POU2F3: variants seen among roughly 807,000 people sequenced by gnomAD.
The protein encoded by POU2F3 is POU class 2 homeobox 3, also known as POU domain, class 2, transcription factor 3.
In POU2F3, 23 loss-of-function variants were observed where a neutral mutation model predicts 59.2. The observed-to-expected ratio is 0.39, with a 90% CI of 0.28 to 0.55. The LOEUF is 0.55. Among genes scored for constraint, POU2F3 ranks in the 20% least tolerant of loss-of-function variants. POU2F3 has a pLI of 0.66. For synonymous variants in POU2F3, 190 were observed against 214.6 expected, an observed-to-expected ratio of 0.89 and a Z score of 1.00; for missense variants, 473 against 544.5, an observed-to-expected ratio of 0.87 and a Z score of 1.31.
intron 2 of POU2F3, among the ~76,000 whole-genome samples, chr11:120,252,168 T>C (rs1939132573): frequency 6.6e-6 from 1 of 151,608 alleles, no homozygotes; most frequent in South Asian, 2.1e-4. Context: ...AAGACCCTCA[T>C]GCTGCTGCAT....
chr11:120,274,150 A>AGGAG (rs1299727943), intron 3 of POU2F3, among the ~76,000 whole-genome samples: 3 of 148,178 alleles, frequency 2.0e-5, no homozygotes, highest in East Asian at 3.9e-4. Flanking sequence ...GAAGGAAGGA[A>AGGAG]GGAAGGAAAT....
chr11:120,306,568 A>G (rs1941495674), intron 8 of POU2F3, among the ~76,000 whole-genome samples: 1 of 152,156 alleles, frequency 6.6e-6, no homozygotes, highest in South Asian at 2.1e-4. Context: ...GAATCTCTCC[A>G]GACATTGCCA....
In POU2F3 at chr11:120,318,363, C is replaced by T. The variant is rs760822922; in HGVS notation, c.1282C>T (p.Arg428Ter). 16 of 1,605,368 alleles carry T rather than the reference C, an allele frequency of 1.0e-5. No homozygotes were observed. The highest frequency in any genetic ancestry group is 8.8e-5 in the South Asian group (8 of 90,902). Reference sequence around the variant, plus strand: ...CTTTCTTCCTTCCAGATCTTGGTACCGATGGAATCATTCCACCTACCTCCA... The same window carrying T: ...CTTTCTTCCTTCCAGATCTTGGTACTGATGGAATCATTCCACCTACCTCCA... The part of the protein sequence containing the change: ...SSFNSSGSWY[R>*]WNHSTYLH Residue 428 changes from arginine (R) to a stop codon, truncating the protein, a stop_gained, in exon 13 of 13, where the codon CGA becomes TGA. Coordinates refer to ENST00000543440, the MANE Select transcript of POU2F3 (RefSeq NM_014352.4). LOFTEE classifies it high-confidence loss of function.
chr11:120,270,938 C>T (rs1432452928), intron 3 of POU2F3, among the ~76,000 whole-genome samples: 4 of 152,192 alleles, frequency 2.6e-5, no homozygotes, highest in Non-Finnish European at 5.9e-5. Flanking sequence ...AAGCAATCCT[C>T]CCTCCTCAGC....
At chr11:120,315,156 C>T (rs376912835) in intron 10 of POU2F3, among the ~76,000 whole-genome samples, 5 of 152,184 alleles carry the variant, frequency 3.3e-5, no homozygotes, top group African/African-American at 7.2e-5. Context: ...AGGGAACTTC[C>T]GGGGCAGACT....
At chr11:120,309,899 C>A (rs1465335350) in intron 10 of POU2F3, among the ~76,000 whole-genome samples, 1 of 151,988 alleles carries the variant, frequency 6.6e-6, no homozygotes, top group Non-Finnish European at 1.5e-5. Flanking sequence ...GTGAAAAGAG[C>A]CAGTATGCTT....
At chr11:120,255,901 G>A (rs1302210389) in intron 2 of POU2F3, 1 of 152,280 alleles carries the variant, frequency 6.6e-6, no homozygotes, top group Non-Finnish European at 1.5e-5. Context: ...ATCATCTCAG[G>A]TTGTCCCTCA....
At chr11:120,295,377 G>A (rs769039324) in intron 3 of POU2F3, among the ~76,000 whole-genome samples, 2 of 152,210 alleles carry the variant, frequency 1.3e-5, no homozygotes, top group African/African-American at 2.4e-5. Flanking sequence ...TGTTCTACCA[G>A]CATGATTTTA....
intron 2 of POU2F3, among the ~76,000 whole-genome samples, chr11:120,253,313 G>A (rs1271830954): frequency 6.6e-6 from 1 of 150,654 alleles, no homozygotes; most frequent in East Asian, 1.9e-4. Flanking sequence ...AGGCTGGAGT[G>A]CAGTGGCACA....
At chr11:120,251,070 T>A (rs1167208160) in intron 2 of POU2F3, among the ~76,000 whole-genome samples, 1 of 152,132 alleles carries the variant, frequency 6.6e-6, no homozygotes, top group Admixed American at 6.5e-5. Context: ...TATGCTCAAG[T>A]GATCCTCCTG....
intron 11 of POU2F3, among the ~76,000 whole-genome samples, chr11:120,315,998 G>A (rs542419487): frequency 1.7e-4 from 25 of 150,138 alleles, no homozygotes; most frequent in African/African-American, 5.1e-4. Context: ...ACAGCCTCCC[G>A]AGTAACTGGG....
At chr11:120,308,549 G>A (rs1023020727) in intron 9 of POU2F3, among the ~76,000 whole-genome samples, 7 of 152,170 alleles carry the variant, frequency 4.6e-5, no homozygotes, top group African/African-American at 1.7e-4. Context: ...CAAGGGAGTG[G>A]CGCCCGTGTA....
At chr11:120,307,887 G>A (rs1319419483) in intron 9 of POU2F3, among the ~76,000 whole-genome samples, 1 of 152,216 alleles carries the variant, frequency 6.6e-6, no homozygotes, top group Non-Finnish European at 1.5e-5. Context: ...GAGATTTAAA[G>A]AATGGGCTAT....
intron 3 of POU2F3, among the ~76,000 whole-genome samples, chr11:120,297,630 A>G (rs2135277089): frequency 6.6e-6 from 1 of 152,378 alleles, no homozygotes; most frequent in South Asian, 2.1e-4. Flanking sequence ...GAGGGAGATC[A>G]GTAAAGAGTT....
intron 3 of POU2F3, among the ~76,000 whole-genome samples, chr11:120,292,308 G>T (rs957980695): frequency 1.3e-5 from 2 of 151,858 alleles, no homozygotes; most frequent in Admixed American, 6.6e-5. Context: ...CCCCATTGGG[G>T]ACAGCAAAGT....
intron 3 of POU2F3, among the ~76,000 whole-genome samples, chr11:120,295,279 C>G (rs917260113): frequency 6.6e-6 from 1 of 152,232 alleles, no homozygotes; most frequent in Non-Finnish European, 1.5e-5. Context: ...ATAGCTGCCT[C>G]TCCTTATCTC....
rs1226231516 is a variant in POU2F3, at chr11:120,288,127, CCAAAA to C, written c.133-10137_133-10133del. 7.8e-3 allele frequency among the ~76,000 whole-genome samples: 60 copies of C among 7,646 alleles called. 1 individual carries two copies. Among genetic ancestry groups the C allele is most frequent in the South Asian group, 0.059 (8 of 136 alleles). 5.0% of individuals were successfully genotyped at this position (7,646 alleles called of 152,430 possible). A position where few individuals can be genotyped will look rare whatever the true frequency, so the allele number is the denominator to read the frequency against. ...GAAAGAAAGAAAACAAACAAAAAAA[CCAAAA>C]AAAAAAAAAAAAAAAACAAGAAAAA... On this transcript the variant is annotated intron_variant, in intron 3 of 12. Transcript: ENST00000543440.
chr11:120,293,832 T>A (rs2135269061), intron 3 of POU2F3, among the ~76,000 whole-genome samples: 1 of 152,286 alleles, frequency 6.6e-6, no homozygotes, highest in Middle Eastern at 3.4e-3. Flanking sequence ...AAGACCACCT[T>A]TTCCGTCACC....
intron 3 of POU2F3, among the ~76,000 whole-genome samples, chr11:120,270,294 G>T (rs1940004301): frequency 6.6e-6 from 1 of 152,040 alleles, no homozygotes. Flanking sequence ...ATAAGGACGG[G>T]GTGGAATGTC....
Sources: allele counts gnomAD v4.1 joint callset (sites outside exome capture counted in the v4.1 genomes callset), GRCh38; gene constraint gnomAD v4.1.1; transcripts MANE v1.5; gene names NCBI Gene and HGNC (gene_info 2026-07-23, HGNC 2026-07-21).